NHSL1: variants seen among roughly 807,000 people sequenced by gnomAD.
The protein encoded by NHSL1 is NHS like 1.
NHSL1 carries 48 observed loss-of-function variants against 95.0 expected under a neutral mutation model. That is an observed-to-expected ratio of 0.51 (90% CI 0.40 to 0.64). The LOEUF is 0.64. Ranked by LOEUF, NHSL1 falls within the 30% of genes least tolerant of loss-of-function variation. NHSL1 has a pLI of 0.00. For synonymous variants in NHSL1, 783 were observed against 833.9 expected (o/e 0.94, Z 1.05); for missense variants, 1,971 against 2,077.7 (o/e 0.95, Z 1.00).
chr6:138,634,302 G>A (rs1266138846), intron 1 of NHSL1, among the ~76,000 whole-genome samples: 1 of 151,212 alleles, frequency 6.6e-6, no homozygotes, highest in East Asian at 1.9e-4. Context: ...ATAATCGGTT[G>A]CCTCCAAGAA....
chr6:138,663,330 G>A (rs1444807613), intron 1 of NHSL1, among the ~76,000 whole-genome samples: 1 of 152,114 alleles, frequency 6.6e-6, no homozygotes, highest in African/African-American at 2.4e-5. Flanking sequence ...GGAGGCCGAG[G>A]CAGGCAGATC....
At chr6:138,640,584 A>C (rs142876566) in intron 1 of NHSL1, among the ~76,000 whole-genome samples, 79 of 152,240 alleles carry the variant, frequency 5.2e-4, no homozygotes, top group African/African-American at 1.9e-3. Context: ...CTTCTTTATG[A>C]TTTTCCTAAT....
At chr6:138,644,331 T>C (rs953537984) in intron 1 of NHSL1, among the ~76,000 whole-genome samples, 1 of 152,100 alleles carries the variant, frequency 6.6e-6, no homozygotes, top group African/African-American at 2.4e-5. Flanking sequence ...TGAAACCTGG[T>C]GTCTACTAAA....
chr6:138,509,768 C>T (rs1349375398), intron 1 of NHSL1, among the ~76,000 whole-genome samples: 1 of 152,172 alleles, frequency 6.6e-6, no homozygotes, highest in Non-Finnish European at 1.5e-5. Context: ...TGACATCACA[C>T]CTTCAAAAAG....
At chr6:138,448,651 TTA>T (rs1456245821) in intron 3 of NHSL1, among the ~76,000 whole-genome samples, 1 of 152,202 alleles carries the variant, frequency 6.6e-6, no homozygotes, top group Non-Finnish European at 1.5e-5. Context: ...TCACTTAACG[TTA>T]TGTTTGTGAG....
intron 1 of NHSL1, among the ~76,000 whole-genome samples, chr6:138,511,823 C>T (rs73557304): frequency 0.012 from 1,797 of 152,228 alleles, 39 homozygotes; most frequent in African/African-American, 0.041. Flanking sequence ...GCCTGTAATC[C>T]TAGCTGCCTA....
intron 1 of NHSL1, among the ~76,000 whole-genome samples, chr6:138,536,150 A>G (rs1782333499): frequency 6.6e-6 from 1 of 152,136 alleles, no homozygotes; most frequent in Non-Finnish European, 1.5e-5. Flanking sequence ...AAGGAATCTC[A>G]TTTATTTTGG....
intron 1 of NHSL1, among the ~76,000 whole-genome samples, chr6:138,597,114 T>A (rs1784312199): frequency 6.6e-6 from 1 of 152,042 alleles, no homozygotes; most frequent in Non-Finnish European, 1.5e-5. Context: ...TGAGCCAAGA[T>A]CACATCACGG....
At chr6:138,506,112 A>G (rs1780951204) in intron 1 of NHSL1, among the ~76,000 whole-genome samples, 1 of 152,222 alleles carries the variant, frequency 6.6e-6, no homozygotes, top group Admixed American at 6.5e-5. Flanking sequence ...AATAAAATGT[A>G]CAGAGTAGTA....
intron 1 of NHSL1, among the ~76,000 whole-genome samples, chr6:138,536,447 A>G (rs1447414311): frequency 6.6e-6 from 1 of 152,204 alleles, no homozygotes; most frequent in African/African-American, 2.4e-5. Context: ...TCTCTATAGG[A>G]GCAGTCTTGT....
At chr6:138,511,126 G>A (rs1170592353) in intron 1 of NHSL1, among the ~76,000 whole-genome samples, 2 of 152,174 alleles carry the variant, frequency 1.3e-5, no homozygotes, top group African/African-American at 4.8e-5. Flanking sequence ...GATACGCTTA[G>A]CTCTTCTTCA....
At chr6:138,585,861 G>A (rs879630335) in intron 1 of NHSL1, among the ~76,000 whole-genome samples, 44 of 151,562 alleles carry the variant, frequency 2.9e-4, no homozygotes, top group Non-Finnish European at 5.7e-4. Context: ...AGGGAAACAC[G>A]GCAAGTCCCA....
chr6:138,623,989 TG>T lies in NHSL1; in HGVS notation c.96+68486del, dbSNP rs150408413. Among the ~76,000 whole-genome samples, 948 of 152,280 alleles carry T rather than the reference TG, an allele frequency of 6.2e-3. 13 individuals are homozygous for T. In the East Asian group the frequency reaches 0.073, roughly 12 times the overall value. On this transcript the variant is annotated intron_variant, in intron 1 of 3. Transcript: ENST00000491526. ...CTGCTTCTTTGCCTTCCACCATGAT[TG>T]TAAGTTTCCTGAGGCCTCCCCAGCC...
rs918318023 is a variant in NHSL1 at position 138,432,735 on chromosome 6, C to G, written c.1610G>C (p.Ser537Thr). 6.6e-5 allele frequency: 103 copies of G among 1,551,580 alleles called. No homozygotes were observed. The highest frequency in any genetic ancestry group is 1.6e-4 in the Admixed American group (8 of 50,986). ...TCCGCCCCCTGAATAACTAGATTCA[C>G]TCTTGCCATCCACATCTTGGGGGTG... Reference protein sequence around the residue: ...PAHPQDVDGKSESSYSGGGGH... With the variant: ...PAHPQDVDGKTESSYSGGGGH... Residue 537 changes from serine (S) to threonine (T), a missense_variant, in exon 6 of 8, where the codon AGT (serine) becomes ACT (threonine). By Grantham distance (58) the Ser-to-Thr change is moderately conservative. Coordinates refer to ENST00000343505, the MANE Select transcript of NHSL1 (RefSeq NM_001144060.2). The surrounding 1 kb of genome is among the most constrained non-coding windows in gnomAD (Gnocchi z 4.4).
At chr6:138,684,374 G>A (rs957397315) in intron 1 of NHSL1, among the ~76,000 whole-genome samples, 2 of 152,094 alleles carry the variant, frequency 1.3e-5, no homozygotes, top group Admixed American at 6.5e-5. Context: ...GCCTGTGGGC[G>A]CGGTGACTCA....
chr6:138,591,572 A>G (rs1006127104), intron 1 of NHSL1, among the ~76,000 whole-genome samples: 1 of 151,888 alleles, frequency 6.6e-6, no homozygotes, highest in Non-Finnish European at 1.5e-5. Flanking sequence ...ACACGCCCCC[A>G]TGCCTGGCTG....
chr6:138,433,710 C>T (rs148631333), intron 5 of NHSL1, 30 bp from the exon 6 acceptor site: 4 of 1,483,170 alleles, frequency 2.7e-6, no homozygotes, highest in East Asian at 2.5e-5. Flanking sequence ...AGGCTTGTTA[C>T]CTGAAAATAA....
At position 138,435,738 on chromosome 6, in the gene NHSL1, G is replaced by GT. The variant is rs959633580; in HGVS notation, c.665-2059dup. ...TTTTTTTTTTTGTTTTTTTGTTTTT[G>GT]TTTTTTTTTTTACAAGTCGAAGGTT... On this transcript the variant is annotated intron_variant, in intron 5 of 7. Transcript: ENST00000343505. Among the ~76,000 whole-genome samples, 978 of 138,056 alleles carry GT rather than the reference G, an allele frequency of 7.1e-3. 5 individuals are homozygous for GT. Among genetic ancestry groups the GT allele is most frequent in the African/African-American group, 0.019 (715 of 37,778 alleles). 90.6% of individuals were successfully genotyped at this position (138,056 alleles called of 152,430 possible). A position where few individuals can be genotyped will look rare whatever the true frequency, so the allele number is the denominator to read the frequency against.
chr6:138,548,788 C>T (rs1782898618), upstream of NHSL1, among the ~76,000 whole-genome samples: 1 of 152,146 alleles, frequency 6.6e-6, no homozygotes, highest in African/African-American at 2.4e-5. Flanking sequence ...TGGTTTAGTG[C>T]AAGAGATGAG....
Sources: gnomAD v4.1 joint callset for allele counts (sites outside exome capture counted in the v4.1 genomes callset) on GRCh38, gnomAD v4.1.1 for gene constraint, Gnocchi (gnomAD v3.1) non-coding constraint, MANE v1.5 for transcripts, NCBI Gene and HGNC (gene_info 2026-07-23, HGNC 2026-07-21) for gene names.